The following PEX7 variants were observed in gnomAD, a reference collection of about 807,000 sequenced individuals.
The protein encoded by PEX7 is peroxisomal biogenesis factor 7.
Under a neutral mutation model 47.5 loss-of-function variants are expected in PEX7, and 34 were observed. That is an observed-to-expected ratio of 0.72 (90% CI 0.54 to 0.95). PEX7 has a LOEUF of 0.95. Among genes scored for constraint, PEX7 ranks in the 40% least tolerant of loss-of-function variants. PEX7 has a pLI of 0.00. For missense variants in PEX7, 394 were observed against 400.3 expected (o/e 0.98, Z 0.13); for synonymous variants, 141 against 148.8 (o/e 0.95, Z 0.38).
In PEX7 at chr6:136,866,668, G is replaced by A; in HGVS notation, c.568G>A (p.Val190Ile). The change falls in exon 6 of 10, where the codon GTA (valine) becomes ATA (isoleucine). Residue 190 changes from valine (V) to isoleucine (I), a missense_variant. By Grantham distance (29) the Val-to-Ile change is conservative (BLOSUM62 3). Transcript: ENST00000318471. ...LRIWDVKAAG[V>I]RIVIPAHQAE... ...AATATGGGATGTGAAGGCAGCAGGAGTAAGAATCGTGATTCCTGCACATCA... is the reference window on the plus strand; with the variant it reads ...AATATGGGATGTGAAGGCAGCAGGAATAAGAATCGTGATTCCTGCACATCA... 6.2e-7 allele frequency: 1 copy of A among 1,614,072 alleles called. No homozygotes were observed. The highest frequency in any genetic ancestry group is 8.5e-7 in the Non-Finnish European group (1 of 1,179,960).
chr6:136,889,577 T>G (rs1395885877), intron 8 of PEX7, among the ~76,000 whole-genome samples: 1 of 152,250 alleles, frequency 6.6e-6, no homozygotes, highest in African/African-American at 2.4e-5. Context: ...CTTTCTAAAT[T>G]AATTTGCATC....
intron 8 of PEX7, among the ~76,000 whole-genome samples, chr6:136,891,493 G>GT (rs1031071916): frequency 6.6e-6 from 1 of 151,848 alleles, no homozygotes; most frequent in Non-Finnish European, 1.5e-5. Context: ...GGTAGTTAGG[G>GT]TTTTTTTCTG....
intron 7 of PEX7, among the ~76,000 whole-genome samples, chr6:136,871,398 A>G (rs1775179248): frequency 6.6e-6 from 1 of 152,228 alleles, no homozygotes; most frequent in Non-Finnish European, 1.5e-5. Context: ...ACGTAAAAAT[A>G]ACTTAAGGGT....
intron 5 of PEX7, among the ~76,000 whole-genome samples, chr6:136,864,119 A>G (rs767328815): frequency 1.3e-5 from 2 of 151,970 alleles, no homozygotes; most frequent in Non-Finnish European, 2.9e-5. Flanking sequence ...TATATTCCTC[A>G]TTTGTATAGT....
At chr6:136,877,667 G>A (rs1278151122) in intron 8 of PEX7, among the ~76,000 whole-genome samples, 2 of 152,072 alleles carry the variant, frequency 1.3e-5, no homozygotes, top group Non-Finnish European at 2.9e-5. Context: ...TCTTCCATTG[G>A]TCTATATATC....
chr6:136,852,338 C>G (rs1392015579), intron 5 of PEX7, among the ~76,000 whole-genome samples: 35 of 140,632 alleles, frequency 2.5e-4, no homozygotes, highest in African/African-American at 4.5e-4. Flanking sequence ...GGAAATAAAG[C>G]GTATTCAATT....
intron 5 of PEX7, among the ~76,000 whole-genome samples, chr6:136,863,548 C>T (rs546025456): frequency 6.6e-6 from 1 of 152,110 alleles, no homozygotes; most frequent in South Asian, 2.1e-4. Context: ...CTGTTGTGGC[C>T]TCTGGGCAGG....
chr6:136,866,568 T>C (rs1775075819), intron 5 of PEX7, 59 bp from the exon 6 acceptor site: 1 of 1,359,858 alleles, frequency 7.4e-7, no homozygotes, highest in African/African-American at 1.4e-5. Context: ...GTGAACACAT[T>C]ATGTCACTGC....
chr6:136,843,959 AT>A (rs1304534723), intron 3 of PEX7, among the ~76,000 whole-genome samples: 2 of 152,240 alleles, frequency 1.3e-5, no homozygotes, highest in African/African-American at 4.8e-5. Context: ...GTTTTTAAAA[AT>A]AAAAATTAAT....
At chr6:136,856,980 TG>T (rs1350638593) in intron 5 of PEX7, among the ~76,000 whole-genome samples, 1 of 152,242 alleles carries the variant, frequency 6.6e-6, no homozygotes, top group African/African-American at 2.4e-5. Flanking sequence ...TTCAAACATT[TG>T]CCATTTTCCT....
intron 3 of PEX7, among the ~76,000 whole-genome samples, chr6:136,829,027 G>A (rs1201693709): frequency 4.6e-5 from 7 of 152,282 alleles, no homozygotes; most frequent in East Asian, 3.9e-4. Context: ...TTTGGTAAGC[G>A]TTTGTATCAG....
chr6:136,868,280 G>A (rs1775110854), intron 6 of PEX7, among the ~76,000 whole-genome samples: 1 of 152,184 alleles, frequency 6.6e-6, no homozygotes. Context: ...ATTAAGTGAT[G>A]CATGACTGTA....
chr6:136,867,272 T>G (rs17065684), intron 6 of PEX7, among the ~76,000 whole-genome samples: 6,329 of 152,246 alleles, frequency 0.042, 148 homozygotes, highest in African/African-American at 0.072. Flanking sequence ...ATTAAATATG[T>G]GTTAATATAC....
At chr6:136,835,033 A>G (rs868360162) in intron 3 of PEX7, among the ~76,000 whole-genome samples, 2 of 150,328 alleles carry the variant, frequency 1.3e-5, no homozygotes, top group South Asian at 4.2e-4. Flanking sequence ...TCCGCCTCCC[A>G]GGTTCAAGTG....
In PEX7 at chr6:136,898,233, C is replaced by G. The variant is rs764011351; in HGVS notation, c.895C>G (p.Pro299Ala). Residue 299 changes from proline to alanine, a missense_variant, in exon 9 of 10, where the codon CCC becomes GCC. Pro to Ala is a conservative substitution (Grantham distance 27). Transcript: ENST00000318471. ...TCGLDFSLQS[P>A]TQVADCSWDE... The stretch of plus-strand genomic sequence containing the variant: ...TGGTTTAGACTTCAGTCTTCAGAGC[C>G]CCACTCAGGTAACGGATACAATCTC... 6.3e-7 allele frequency: 1 copy of G among 1,579,934 alleles called. No homozygotes were observed. Among genetic ancestry groups the G allele is most frequent in the South Asian group, 1.1e-5 (1 of 90,400 alleles).
At chr6:136,861,994 CTATA>C (rs1328955585) in intron 5 of PEX7, among the ~76,000 whole-genome samples, 1 of 138,592 alleles carries the variant, frequency 7.2e-6, no homozygotes, top group African/African-American at 2.6e-5. Flanking sequence ...TTCATCAAAG[CTATA>C]TATATATATT....
intron 5 of PEX7, among the ~76,000 whole-genome samples, chr6:136,863,354 G>A (rs9494587): frequency 0.41 from 61,853 of 151,722 alleles, 13,326 homozygotes; most frequent in South Asian, 0.51. Flanking sequence ...AAAAATGTTT[G>A]TTACTCTCAT....
At chr6:136,893,628 G>A (rs531335685) in intron 8 of PEX7, among the ~76,000 whole-genome samples, 1 of 152,362 alleles carries the variant, frequency 6.6e-6, no homozygotes, top group Non-Finnish European at 1.5e-5. Flanking sequence ...GTTGTTGAAT[G>A]AATAACTAAA....
At position 136,869,909 on chromosome 6, in the gene PEX7, C is replaced by T. The variant is rs121909151; in HGVS notation, c.653C>T (p.Ala218Val). ...KYNENLLVTG[A>V]VDCSLRGWDL... Reference sequence around the variant, plus strand: ...TTTTAGAATTTGCTGGTGACCGGGGCGGTTGACTGTAGTTTGAGAGGCTGG... The same window carrying T: ...TTTTAGAATTTGCTGGTGACCGGGGTGGTTGACTGTAGTTTGAGAGGCTGG... The change falls in exon 7 of 10, where the codon GCG becomes GTG. Residue 218 changes from alanine to valine, a missense_variant. Transcript: ENST00000318471. 73 of 1,613,612 alleles carry T rather than the reference C, an allele frequency of 4.5e-5. No individual in the cohort carries two copies. Among genetic ancestry groups the T allele is most frequent in the Non-Finnish European group, 5.9e-5 (70 of 1,179,710 alleles).
Sources: gnomAD v4.1 joint callset for allele counts (sites outside exome capture counted in the v4.1 genomes callset) on GRCh38, gnomAD v4.1.1 for gene constraint, MANE v1.5 for transcripts, NCBI Gene and HGNC (gene_info 2026-07-23, HGNC 2026-07-21) for gene names.